Variants in RB1CC1 observed in about 807,000 individuals in gnomAD.
The protein encoded by RB1CC1 is RB1 inducible coiled-coil 1.
In RB1CC1, 46 loss-of-function variants were observed where a neutral mutation model predicts 177.5. The observed-to-expected ratio is 0.26, with a 90% CI of 0.20 to 0.33. The LOEUF (loss-of-function observed/expected upper bound fraction) is 0.33, where lower values mean the gene tolerates loss of function less well. Ranked by LOEUF, RB1CC1 falls within the 10% of genes least tolerant of loss-of-function variation. The pLI is 1.00. For synonymous variants in RB1CC1, 666 were observed against 613.6 expected, an observed-to-expected ratio of 1.09 and a Z score of -1.26; for missense variants, 1,703 against 1,816.3, an observed-to-expected ratio of 0.94 and a Z score of 1.13.
At chr8:52,648,739 GCA>G (rs1190335319) in intron 15 of RB1CC1, among the ~76,000 whole-genome samples, 10 of 152,162 alleles carry the variant, frequency 6.6e-5, no homozygotes, top group African/African-American at 2.4e-4. Flanking sequence ...GGCTCCTCCT[GCA>G]CAGTTTCACA....
At chr8:52,648,204 CAAAGT>C (rs1044421961) in intron 15 of RB1CC1, among the ~76,000 whole-genome samples, 4 of 152,058 alleles carry the variant, frequency 2.6e-5, no homozygotes, top group African/African-American at 9.7e-5. Context: ...TTTACTGACT[CAAAGT>C]AAAAGCAAAG....
intron 15 of RB1CC1, among the ~76,000 whole-genome samples, chr8:52,654,284 G>A (rs1850885518): frequency 6.6e-6 from 1 of 152,118 alleles, no homozygotes; most frequent in Non-Finnish European, 1.5e-5. Flanking sequence ...CCTCTTTTAT[G>A]ATCTCATATG....
At chr8:52,702,848 A>AG (rs1317475989) in intron 1 of RB1CC1, among the ~76,000 whole-genome samples, 2 of 152,176 alleles carry the variant, frequency 1.3e-5, no homozygotes, top group African/African-American at 4.8e-5. Context: ...TGGCTGTTGC[A>AG]GAAAAAAAAA....
chr8:52,630,513 A>G lies in RB1CC1; in HGVS notation c.4456T>C (p.Ser1486Pro). 1 of 1,579,860 alleles carries G rather than the reference A, an allele frequency of 6.3e-7. No individual in the cohort carries two copies. Among genetic ancestry groups the G allele is most frequent in the Non-Finnish European group, 8.6e-7 (1 of 1,166,650 alleles). Residue 1486 changes from serine (S) to proline (P), a missense_variant, in exon 21 of 24, where the codon TCT (serine) becomes CCT (proline). Transcript: ENST00000025008. ...LNQRLMSQSMSSVSSRHSEKI... is the reference protein window; with the variant it reads ...LNQRLMSQSMPSVSSRHSEKI... ...TCAGAATGCCTTGAAGATACTGAAGACATGCTCTGAGACATCTAAAAAAAA... is the reference window on the plus strand; with the variant it reads ...TCAGAATGCCTTGAAGATACTGAAGGCATGCTCTGAGACATCTAAAAAAAA...
At chr8:52,699,376 CAA>C (rs1415630535) in intron 1 of RB1CC1, among the ~76,000 whole-genome samples, 1 of 152,048 alleles carries the variant, frequency 6.6e-6, no homozygotes, top group Non-Finnish European at 1.5e-5. Context: ...TCAAAAGTAA[CAA>C]GAGAATGAGA....
At chr8:52,687,565 T>C (rs1387334784) in intron 1 of RB1CC1, among the ~76,000 whole-genome samples, 1 of 152,194 alleles carries the variant, frequency 6.6e-6, no homozygotes, top group Non-Finnish European at 1.5e-5. Flanking sequence ...CCAGCTTTGA[T>C]GAAGCAAGCT....
intron 13 of RB1CC1, among the ~76,000 whole-genome samples, chr8:52,658,420 T>A (rs527936057): frequency 9.8e-4 from 148 of 151,420 alleles, no homozygotes; most frequent in Non-Finnish European, 1.9e-3. Context: ...CTACTAAAAA[T>A]ACAAAAATTA....
intron 5 of RB1CC1, among the ~76,000 whole-genome samples, chr8:52,682,861 G>A (rs1225937651): frequency 6.6e-6 from 1 of 152,058 alleles, no homozygotes; most frequent in Admixed American, 6.6e-5. Flanking sequence ...TATCCTATGT[G>A]AAAAATGGGG....
intron 1 of RB1CC1, among the ~76,000 whole-genome samples, chr8:52,692,609 C>T (rs950342060): frequency 6.6e-6 from 1 of 152,078 alleles, no homozygotes; most frequent in African/African-American, 2.4e-5. Flanking sequence ...AACTTAAAAT[C>T]CATAGCTGGA....
chr8:52,684,133 A>C lies in RB1CC1; in HGVS notation c.72-120T>G, dbSNP rs1227396918. ...TGAATTTCACTCTAAAACCTTCCCC[A>C]AAAACAGTAATAAAAATATAAGCTT... On this transcript the variant is annotated intron_variant, in intron 3 of 23. Coordinates refer to ENST00000025008, the MANE Select transcript of RB1CC1 (RefSeq NM_014781.5). The C allele has an allele frequency of 3.4e-5, 38 of 1,129,980 alleles. No homozygotes were observed. In the South Asian group the frequency reaches 4.3e-4, roughly 13 times the overall value. The allele number at this position is 1,129,980 out of a possible 1,614,324, so 70.0% of individuals were successfully genotyped here.
intron 18 of RB1CC1, among the ~76,000 whole-genome samples, chr8:52,640,864 T>C (rs1308654754): frequency 6.6e-6 from 1 of 152,158 alleles, no homozygotes; most frequent in Non-Finnish European, 1.5e-5. Flanking sequence ...GTAACCAGTT[T>C]CTATTATTTT....
At chr8:52,636,183 A>T in intron 18 of RB1CC1, 114 bp from the exon 19 acceptor site, 1 of 1,203,102 alleles carries the variant, frequency 8.3e-7, no homozygotes, top group Non-Finnish European at 1.1e-6. Context: ...GGTTTTCATA[A>T]ATTTTCAAAA....
At chr8:52,635,014 CA>C in intron 19 of RB1CC1, 46 bp from the exon 20 acceptor site, 1 of 1,510,864 alleles carries the variant, frequency 6.6e-7, no homozygotes. Flanking sequence ...TGTACCTACT[CA>C]AATAAATCTA....
chr8:52,631,587 T>A (rs1244789568), intron 20 of RB1CC1, among the ~76,000 whole-genome samples: 1 of 152,186 alleles, frequency 6.6e-6, no homozygotes, highest in Non-Finnish European at 1.5e-5. Flanking sequence ...ATGCCAAAAC[T>A]CACTGAGCAA....
chr8:52,681,351 T>A (rs568383858), intron 5 of RB1CC1, among the ~76,000 whole-genome samples: 23 of 152,282 alleles, frequency 1.5e-4, no homozygotes, highest in African/African-American at 5.5e-4. Context: ...TGTACAATTA[T>A]GGTTTGTGCA....
chr8:52,701,118 G>A (rs959394000), intron 1 of RB1CC1, among the ~76,000 whole-genome samples: 1 of 151,934 alleles, frequency 6.6e-6, no homozygotes, highest in African/African-American at 2.4e-5. Context: ...ATGTGTGAAG[G>A]ACCAGATCTT....
chr8:52,637,955 G>A (rs2150397759), intron 18 of RB1CC1, among the ~76,000 whole-genome samples: 1 of 152,280 alleles, frequency 6.6e-6, no homozygotes, highest in Admixed American at 6.5e-5. Flanking sequence ...ACAGGCATGA[G>A]CCACTGCGCC....
At chr8:52,676,622 T>C (rs1308620769) in intron 5 of RB1CC1, 51 bp from the exon 6 acceptor site, 1 of 1,493,096 alleles carries the variant, frequency 6.7e-7, no homozygotes, top group African/African-American at 1.4e-5. Context: ...ATGGTTTGTT[T>C]GCAGAAGTTT....
intron 18 of RB1CC1, 150 bp downstream of exon 18, chr8:52,642,201 C>G (rs751242767): frequency 3.4e-5 from 36 of 1,055,340 alleles, no homozygotes; most frequent in Non-Finnish European, 4.4e-5. Flanking sequence ...TGTTTTCTCA[C>G]ACTTACAGTT....
Sources: gnomAD v4.1 joint callset for allele counts (sites outside exome capture counted in the v4.1 genomes callset) on GRCh38, gnomAD v4.1.1 for gene constraint, MANE v1.5 for transcripts, NCBI Gene and HGNC (gene_info 2026-07-23, HGNC 2026-07-21) for gene names.